ZNF346: variants seen among roughly 807,000 people sequenced by gnomAD.
The protein encoded by ZNF346 is double-stranded RNA-binding zinc finger protein JAZ.
In ZNF346, 23 loss-of-function variants were observed where a neutral mutation model predicts 33.7. That is an observed-to-expected ratio of 0.68 (90% CI 0.49 to 0.97). The LOEUF is 0.97. Ranked by LOEUF, ZNF346 falls within the 50% of genes least tolerant of loss-of-function variation. The probability of loss-of-function intolerance (pLI) is 0.00; values close to 1 mark genes in which losing one functional copy is unlikely to be tolerated. For missense variants in ZNF346, 340 were observed against 371.1 expected, an observed-to-expected ratio of 0.92 and a Z score of 0.69; for synonymous variants, 134 against 142.4, an observed-to-expected ratio of 0.94 and a Z score of 0.42.
chr5:177,044,272 G>A, intron 3 of ZNF346, 117 bp from the exon 4 acceptor site: 1 of 1,113,616 alleles, frequency 9.0e-7, no homozygotes, highest in East Asian at 2.4e-5. Flanking sequence ...AAGTAGGTTG[G>A]GGTTAATGTG....
intron 8 of ZNF346, among the ~76,000 whole-genome samples, chr5:177,076,334 G>C (rs545534017): frequency 6.6e-6 from 1 of 152,314 alleles, no homozygotes; most frequent in East Asian, 1.9e-4. Flanking sequence ...TCTTTGGTTG[G>C]CCAAATTTTA....
intron 5 of ZNF346, among the ~76,000 whole-genome samples, chr5:177,057,142 C>G (rs972984906): frequency 3.3e-5 from 5 of 151,382 alleles, no homozygotes; most frequent in African/African-American, 1.2e-4. Context: ...GAAACCCCAT[C>G]TCCACTAAAA....
chr5:177,063,862 T>C (rs373652263), intron 6 of ZNF346, among the ~76,000 whole-genome samples: 1 of 152,244 alleles, frequency 6.6e-6, no homozygotes, highest in East Asian at 1.9e-4. Context: ...GGCACCACTA[T>C]TCTCCAGTCT....
intron 6 of ZNF346, among the ~76,000 whole-genome samples, chr5:177,063,079 T>C (rs1335002426): frequency 6.6e-6 from 1 of 151,790 alleles, no homozygotes; most frequent in Non-Finnish European, 1.5e-5. Context: ...TTTTTTTTTT[T>C]AGTAGAGATG....
At chr5:177,033,680 C>T (rs1397123168) in intron 1 of ZNF346, among the ~76,000 whole-genome samples, 1 of 152,068 alleles carries the variant, frequency 6.6e-6, no homozygotes, top group Non-Finnish European at 1.5e-5. Flanking sequence ...CCCGCCACCA[C>T]ACATGGCTAA....
chr5:177,037,103 TC>T (rs1778615697), intron 1 of ZNF346, among the ~76,000 whole-genome samples: 1 of 152,222 alleles, frequency 6.6e-6, no homozygotes, highest in African/African-American at 2.4e-5. Context: ...GTCAGTTTTG[TC>T]CGGTTTTGTC....
intron 5 of ZNF346, among the ~76,000 whole-genome samples, chr5:177,051,174 T>C (rs1231219316): frequency 1.4e-5 from 2 of 141,648 alleles, no homozygotes; most frequent in East Asian, 2.0e-4. Context: ...TCTTTTCTTT[T>C]TTTTTTTTTT....
intron 5 of ZNF346, among the ~76,000 whole-genome samples, chr5:177,055,034 GT>G (rs1213847902): frequency 0.024 from 3,327 of 137,256 alleles, 98 homozygotes; most frequent in African/African-American, 0.079. Flanking sequence ...AAATACGTAG[GT>G]TTTTTTTTTT....
rs146699341 is a variant in ZNF346 at position 177,041,809 on chromosome 5, A to T, written c.311A>T (p.Tyr104Phe). The T allele has an allele frequency of 6.2e-7, 1 of 1,613,686 alleles. No homozygotes were observed. The highest frequency in any genetic ancestry group is 1.3e-5 in the African/African-American group (1 of 74,892). ...SKKHANKVKR[Y>F]LAIHGMETLK... Reference sequence around the variant, plus strand: ...AAACATGCCAACAAAGTGAAGAGATACCTAGCAATCCATGGAATGGAGACA... The same window carrying T: ...AAACATGCCAACAAAGTGAAGAGATTCCTAGCAATCCATGGAATGGAGACA... The change falls in exon 3 of 7, where the codon TAC (tyrosine) becomes TTC (phenylalanine). Residue 104 changes from tyrosine (Y) to phenylalanine (F), a missense_variant. By Grantham distance (22) the Tyr-to-Phe change is conservative. Transcript: ENST00000358149.
At chr5:177,054,402 TA>T (rs1781391502) in intron 5 of ZNF346, among the ~76,000 whole-genome samples, 1 of 151,332 alleles carries the variant, frequency 6.6e-6, no homozygotes, top group Non-Finnish European at 1.5e-5. Flanking sequence ...TTTATTTTTT[TA>T]TTTTGTTTTT....
At position 177,030,909 on chromosome 5, in the gene ZNF346, TTTTTTTTTTTTTTTTTTGG is replaced by T. The variant is rs1483400079; in HGVS notation, c.175+8006_175+8024del. ...CTGGCTTCTTTCGCTTAGTGTAATT[TTTTTTTTTTTTTTTTTTGG>T]TTTTTTTTTGAGACGACATTTTGCT... On this transcript the variant is annotated intron_variant, in intron 1 of 6. Coordinates refer to ENST00000358149, the MANE Select transcript of ZNF346 (RefSeq NM_012279.4). Among the ~76,000 whole-genome samples, 3 of 149,714 alleles carry T rather than the reference TTTTTTTTTTTTTTTTTTGG, an allele frequency of 2.0e-5. No homozygotes were observed. In the East Asian group the frequency reaches 5.8e-4, roughly 29 times the overall value.
chr5:177,043,939 TG>T (rs1779704931), intron 3 of ZNF346, among the ~76,000 whole-genome samples: 1 of 151,990 alleles, frequency 6.6e-6, no homozygotes, highest in Non-Finnish European at 1.5e-5. Flanking sequence ...CAGTTTAGGG[TG>T]GCAAGTGGTA....
At chr5:177,045,782 C>T (rs1335371250) in intron 4 of ZNF346, among the ~76,000 whole-genome samples, 1 of 152,040 alleles carries the variant, frequency 6.6e-6, no homozygotes, top group Non-Finnish European at 1.5e-5. Flanking sequence ...TGAGCCACCA[C>T]ACCTGGCCAC....
intron 1 of ZNF346, 94 bp downstream of exon 1, chr5:177,023,007 C>A: frequency 6.9e-7 from 1 of 1,445,094 alleles, no homozygotes; most frequent in Non-Finnish European, 9.2e-7. Flanking sequence ...CCCTGGCCCG[C>A]CTCCTTGCGT....
In ZNF346 at chr5:177,044,290, G is replaced by GA. The variant is rs1041299528; in HGVS notation, c.373-99_373-98insA. 1.0e-5 allele frequency: 14 copies of GA among 1,388,056 alleles called. No individual in the cohort carries two copies. The African/African-American group carries it at 1.9e-4, about 18-fold the overall frequency. 86.0% of individuals were successfully genotyped at this position (1,388,056 alleles called of 1,614,324 possible). A position where few individuals can be genotyped will look rare whatever the true frequency, so the allele number is the denominator to read the frequency against. ...TAGGTTGGGGTTAATGTGTGAGGGGGGCCATAAATGCCTGTTCTGTTATGG... is the reference window on the plus strand; with the variant it reads ...TAGGTTGGGGTTAATGTGTGAGGGGGAGCCATAAATGCCTGTTCTGTTATGG... On this transcript the variant is annotated intron_variant, in intron 3 of 6. Coordinates refer to ENST00000358149, the MANE Select transcript of ZNF346 (RefSeq NM_012279.4).
At chr5:177,079,758 A>G (rs1041287814) in exon 9 of ZNF346, 1 of 151,904 alleles carries the variant, frequency 6.6e-6, no homozygotes, top group Admixed American at 6.6e-5. Flanking sequence ...CAACCCTCTC[A>G]CCCTTCCAGC....
intron 8 of ZNF346, among the ~76,000 whole-genome samples, chr5:177,074,012 G>A (rs1783631891): frequency 6.6e-6 from 1 of 152,106 alleles, no homozygotes; most frequent in Non-Finnish European, 1.5e-5. Context: ...AGACCAGGTA[G>A]AGAGAGAAGC....
chr5:177,050,253 C>G (rs760973481), intron 4 of ZNF346, among the ~76,000 whole-genome samples: 2 of 152,174 alleles, frequency 1.3e-5, no homozygotes, highest in Non-Finnish European at 2.9e-5. Context: ...GAACTCAAGC[C>G]TCAATTTCTG....
intron 8 of ZNF346, among the ~76,000 whole-genome samples, chr5:177,075,658 A>C (rs1783714234): frequency 6.6e-6 from 1 of 152,008 alleles, no homozygotes; most frequent in Non-Finnish European, 1.5e-5. Context: ...CTGGAACTAC[A>C]GGCATGCGCC....
Sources: gnomAD v4.1 joint callset for allele counts (sites outside exome capture counted in the v4.1 genomes callset) on GRCh38, gnomAD v4.1.1 for gene constraint, MANE v1.5 for transcripts, NCBI Gene and HGNC (gene_info 2026-07-23, HGNC 2026-07-21) for gene names.